The following SBF2 variants were observed in gnomAD, a reference collection of about 807,000 sequenced individuals.
SBF2 encodes the protein SET binding factor 2.
SBF2 carries 112 observed loss-of-function variants against 225.2 expected under a neutral mutation model. The observed-to-expected ratio is 0.50, with a 90% CI of 0.43 to 0.58. The LOEUF is 0.58. SBF2 is among the 20% of genes least tolerant of loss of function. The probability of loss-of-function intolerance (pLI) is 0.00; values close to 1 mark genes in which losing one functional copy is unlikely to be tolerated. For synonymous variants in SBF2, 763 were observed against 773.3 expected (o/e 0.99, Z 0.22); for missense variants, 1,996 against 2,206.2 (o/e 0.90, Z 1.91).
intron 1 of SBF2, among the ~76,000 whole-genome samples, chr11:10,241,184 C>T (rs3179389): frequency 6.6e-6 from 1 of 152,018 alleles, no homozygotes; most frequent in Non-Finnish European, 1.5e-5. Flanking sequence ...AACTCCATCT[C>T]TACTAAAAAT....
chr11:9,800,280 GTTTC>G (rs1418228310), intron 32 of SBF2, among the ~76,000 whole-genome samples: 11 of 152,096 alleles, frequency 7.2e-5, no homozygotes, highest in Admixed American at 6.5e-4. Context: ...GAATTTTAAG[GTTTC>G]TTTATGTGTT....
At chr11:10,126,292 G>A (rs189889165) in intron 2 of SBF2, among the ~76,000 whole-genome samples, 337 of 151,712 alleles carry the variant, frequency 2.2e-3, no homozygotes, top group Non-Finnish European at 3.6e-3. Context: ...TTTTTCTTAG[G>A]CTTCTTTAGG....
chr11:9,844,460 C>T (rs11821133), intron 24 of SBF2, among the ~76,000 whole-genome samples: 1,892 of 152,074 alleles, frequency 0.012, 29 homozygotes, highest in African/African-American at 0.03. Context: ...ATTTTATCAC[C>T]GATGGAAGAT....
upstream of SBF2, among the ~76,000 whole-genome samples, chr11:10,295,298 A>C (rs928423426): frequency 1.3e-5 from 2 of 152,156 alleles, no homozygotes; most frequent in Non-Finnish European, 2.9e-5. Flanking sequence ...TAAATGAGTA[A>C]ATGTGCGATT....
At chr11:9,851,024 T>C (rs916820964) in intron 21 of SBF2, among the ~76,000 whole-genome samples, 4 of 151,534 alleles carry the variant, frequency 2.6e-5, no homozygotes, top group African/African-American at 9.7e-5. Flanking sequence ...TAATCTCAGC[T>C]ACTCAGAAGG....
chr11:9,785,170 G>A lies in SBF2; in HGVS notation c.5186C>T (p.Ala1729Val). The A allele has an allele frequency of 1.2e-6, 2 of 1,613,842 alleles. No homozygotes were observed. Among genetic ancestry groups the A allele is most frequent in the Non-Finnish European group, 1.7e-6 (2 of 1,180,014 alleles). ...ISPSNGVERR[A>V]ATLYSQYTSK... ...TGTATACTGGCTATAGAGCGTGGCT[G>A]CTCTTCGCTCCACTCCATTGGATGG... Residue 1729 changes from alanine to valine, a missense_variant, in exon 37 of 40, where the codon GCA (alanine) becomes GTA (valine). By Grantham distance (64) the Ala-to-Val change is moderately conservative. Coordinates refer to ENST00000256190, the MANE Select transcript of SBF2 (RefSeq NM_030962.4).
rs760704483 is a variant in SBF2, at chr11:9,992,495, T to A, written c.1216A>T (p.Lys406Ter). Residue 406 changes from lysine to a stop codon, truncating the protein, a stop_gained, in exon 12 of 40, where the codon AAA becomes TAA. Coordinates refer to ENST00000256190, the MANE Select transcript of SBF2 (RefSeq NM_030962.4). LOFTEE classifies it high-confidence loss of function. The part of the protein sequence containing the change: ...RGLVENDFLT[K>*]VLSGMAFAGF... ...GCAAATGCCATTCCACTGAGTACTTTAGTGAGGAAATCATTCTCGACCAAA... is the reference window on the plus strand; with the variant it reads ...GCAAATGCCATTCCACTGAGTACTTAAGTGAGGAAATCATTCTCGACCAAA... 1 of 1,613,096 alleles carries A rather than the reference T, an allele frequency of 6.2e-7. No individual in the cohort carries two copies. The highest frequency in any genetic ancestry group is 1.7e-5 in the Admixed American group (1 of 59,968).
At chr11:9,964,061 G>A (rs1866748620) in intron 14 of SBF2, among the ~76,000 whole-genome samples, 179 bp from the exon 15 acceptor site, 1 of 152,074 alleles carries the variant, frequency 6.6e-6, no homozygotes, top group African/African-American at 2.4e-5. Context: ...GACAAGCCTG[G>A]GCAACATAGC....
At chr11:10,059,615 A>G (rs895276057) in intron 2 of SBF2, among the ~76,000 whole-genome samples, 1 of 152,178 alleles carries the variant, frequency 6.6e-6, no homozygotes, top group Admixed American at 6.5e-5. Flanking sequence ...TCTAAAATTG[A>G]CCACATAATT....
intron 1 of SBF2, among the ~76,000 whole-genome samples, chr11:10,217,338 T>G (rs1203714373): frequency 6.6e-6 from 1 of 152,158 alleles, no homozygotes; most frequent in Non-Finnish European, 1.5e-5. Flanking sequence ...GTGTGCAAGA[T>G]TATTTCTTTT....
intron 2 of SBF2, among the ~76,000 whole-genome samples, chr11:10,048,958 T>C (rs1186615937): frequency 6.6e-6 from 1 of 152,342 alleles, no homozygotes. Flanking sequence ...TTTAAGAAAC[T>C]ACTATTCATT....
At chr11:10,184,069 A>G (rs2135296762) in intron 2 of SBF2, among the ~76,000 whole-genome samples, 1 of 152,354 alleles carries the variant, frequency 6.6e-6, no homozygotes, top group South Asian at 2.1e-4. Flanking sequence ...TACATTGCAT[A>G]CATGTACTGA....
rs1198570956 is a variant in SBF2, at chr11:9,851,142, A to C, written c.2611-924T>G. Among the ~76,000 whole-genome samples, 42 of 149,796 alleles carry C rather than the reference A, an allele frequency of 2.8e-4. 1 individual carries two copies. Among genetic ancestry groups the C allele is most frequent in the Admixed American group, 2.6e-3 (39 of 15,128 alleles). On this transcript the variant is annotated intron_variant, in intron 21 of 39. Transcript: ENST00000256190. ...CAGAGCAAGACTCCATCTCAAAAAAAAAAAAAACAACAACAAAAAAAAACC... is the reference window on the plus strand; with the variant it reads ...CAGAGCAAGACTCCATCTCAAAAAACAAAAAAACAACAACAAAAAAAAACC...
intron 2 of SBF2, among the ~76,000 whole-genome samples, chr11:10,179,188 C>T (rs1487856363): frequency 2.1e-5 from 3 of 142,920 alleles, no homozygotes; most frequent in African/African-American, 5.3e-5. Context: ...ACTCTGGGGA[C>T]TGTTGTATGG....
intron 2 of SBF2, among the ~76,000 whole-genome samples, chr11:10,162,702 C>T (rs2278632): frequency 0.096 from 14,631 of 152,182 alleles, 963 homozygotes; most frequent in East Asian, 0.29. Context: ...TGCAGTTAAA[C>T]AGACAGGCTC....
At position 9,799,477 on chromosome 11, in the gene SBF2, G is replaced by A. The variant is rs138202528; in HGVS notation, c.4444-3520C>T. On this transcript the variant is annotated intron_variant, in intron 32 of 39. Coordinates refer to ENST00000256190, the MANE Select transcript of SBF2 (RefSeq NM_030962.4). ...CCCCCAAACTGGGGTTAACGATCAG[G>A]TCTACTGGAAGTGGAAGAGAAGATG... Among the ~76,000 whole-genome samples, 446 of 152,322 alleles carry A rather than the reference G, an allele frequency of 2.9e-3. 5 individuals are homozygous for A. The highest frequency in any genetic ancestry group is 2.0e-3 in the Non-Finnish European group (133 of 68,040).
intron 9 of SBF2, among the ~76,000 whole-genome samples, chr11:9,996,478 C>T (rs1234682864): frequency 6.6e-6 from 1 of 152,222 alleles, no homozygotes; most frequent in African/African-American, 2.4e-5. Flanking sequence ...CAACCTCCGC[C>T]TCCCAGGTTC....
In SBF2 at chr11:10,282,079, C is replaced by T. The variant is rs560743858; in HGVS notation, c.55+11936G>A. ...GCCCCCACAACTCTACTATAATGTT[C>T]GAAAGTTATCCTAATTATTAAATCC... On this transcript the variant is annotated intron_variant, in intron 1 of 39. Transcript: ENST00000256190. Among the ~76,000 whole-genome samples the T allele has an allele frequency of 2.6e-5, 4 of 152,272 alleles. No homozygotes were observed. In the East Asian group the frequency reaches 5.8e-4, roughly 22 times the overall value.
At chr11:10,157,546 A>G (rs1955535717) in intron 2 of SBF2, among the ~76,000 whole-genome samples, 1 of 152,200 alleles carries the variant, frequency 6.6e-6, no homozygotes, top group African/African-American at 2.4e-5. Context: ...TTCAGCATCT[A>G]TAAGGAACTT....
Sources: allele counts gnomAD v4.1 joint callset (sites outside exome capture counted in the v4.1 genomes callset), GRCh38; gene constraint gnomAD v4.1.1; transcripts MANE v1.5; gene names NCBI Gene and HGNC (gene_info 2026-07-23, HGNC 2026-07-21).